The following AGBL4 variants were observed in gnomAD, a reference collection of about 807,000 sequenced individuals.
The protein encoded by AGBL4 is AGBL carboxypeptidase 4, also known as cytosolic carboxypeptidase 6.
AGBL4 carries 58 observed loss-of-function variants against 66.4 expected under a neutral mutation model. The observed-to-expected ratio is 0.87, with a 90% CI of 0.71 to 1.09. AGBL4 has a LOEUF of 1.09. Among genes scored for constraint, AGBL4 ranks in the 50% least tolerant of loss-of-function variants. AGBL4 has a pLI of 0.00. For synonymous variants in AGBL4, 234 were observed against 222.9 expected, an observed-to-expected ratio of 1.05 and a Z score of -0.44; for missense variants, 579 against 631.0, an observed-to-expected ratio of 0.92 and a Z score of 0.88.
At chr1:49,451,412 C>T (rs1766377) in intron 3 of AGBL4, among the ~76,000 whole-genome samples, 123,988 of 151,916 alleles carry the variant, frequency 0.82, 51,407 homozygotes, top group African/African-American at 0.95. Flanking sequence ...TGATTTATCA[C>T]CATATTCACA....
intron 5 of AGBL4, among the ~76,000 whole-genome samples, chr1:49,007,453 G>T (rs1337277562): frequency 2.7e-4 from 40 of 149,064 alleles, no homozygotes; most frequent in African/African-American, 7.2e-4. Context: ...AAAACACTCT[G>T]CAGGATATTA....
chr1:49,390,095 GA>G (rs903230359), intron 3 of AGBL4, among the ~76,000 whole-genome samples: 7 of 150,592 alleles, frequency 4.6e-5, no homozygotes, highest in African/African-American at 1.5e-4. Context: ...TTTGTGAGAA[GA>G]AAAAAAAATA....
At chr1:49,062,194 A>G (rs1310454569) in intron 4 of AGBL4, among the ~76,000 whole-genome samples, 1 of 152,172 alleles carries the variant, frequency 6.6e-6, no homozygotes, top group Admixed American at 6.5e-5. Context: ...TGTCTTCCAT[A>G]AAATGGGTTG....
chr1:48,542,330 G>A (rs1293499811), intron 11 of AGBL4, among the ~76,000 whole-genome samples: 1 of 152,170 alleles, frequency 6.6e-6, no homozygotes, highest in Non-Finnish European at 1.5e-5. Flanking sequence ...ATAGTAGAAT[G>A]ATTTATAATC....
chr1:48,735,804 C>A (rs570435242), intron 6 of AGBL4, among the ~76,000 whole-genome samples: 4 of 152,016 alleles, frequency 2.6e-5, no homozygotes, highest in African/African-American at 9.7e-5. Context: ...AGCAGCATTC[C>A]TTTCCCATCT....
At chr1:49,442,102 T>C (rs550203995) in intron 3 of AGBL4, among the ~76,000 whole-genome samples, 13 of 152,284 alleles carry the variant, frequency 8.5e-5, no homozygotes, top group East Asian at 5.8e-4. Flanking sequence ...TGTTGTCTTA[T>C]TTAAGTTTAA....
chr1:49,591,044 T>C (rs138698832), intron 3 of AGBL4, among the ~76,000 whole-genome samples: 4 of 152,198 alleles, frequency 2.6e-5, no homozygotes, highest in Admixed American at 2.6e-4. Context: ...TAAATGACTA[T>C]ATCTGAAACA....
intron 3 of AGBL4, among the ~76,000 whole-genome samples, chr1:49,454,051 G>GA (rs1376367334): frequency 1.3e-5 from 2 of 151,708 alleles, no homozygotes; most frequent in African/African-American, 4.8e-5. Flanking sequence ...AATAATTTGA[G>GA]AAAAAAACTA....
chr1:49,029,560 A>T (rs1317511558), intron 5 of AGBL4, among the ~76,000 whole-genome samples: 1 of 152,192 alleles, frequency 6.6e-6, no homozygotes, highest in Non-Finnish European at 1.5e-5. Context: ...AACATCCCAC[A>T]TTCATGCATC....
chr1:50,009,780 T>C (rs1012527577), intron 1 of AGBL4, among the ~76,000 whole-genome samples: 5 of 152,034 alleles, frequency 3.3e-5, no homozygotes, highest in Non-Finnish European at 7.4e-5. Context: ...ATCAAAAATC[T>C]ATTAGAACTG....
intron 8 of AGBL4, among the ~76,000 whole-genome samples, chr1:48,638,501 A>T (rs113063842): frequency 2.0e-5 from 3 of 152,376 alleles, no homozygotes; most frequent in African/African-American, 7.2e-5. Context: ...CATTGAACAA[A>T]CTATAGCCAG....
chr1:49,483,475 T>A (rs1042446518), intron 3 of AGBL4, among the ~76,000 whole-genome samples: 2 of 151,762 alleles, frequency 1.3e-5, no homozygotes, highest in African/African-American at 4.8e-5. Flanking sequence ...CATAAAAAAA[T>A]TCCTAAATTC....
intron 9 of AGBL4, among the ~76,000 whole-genome samples, chr1:48,613,637 T>C (rs948081984): frequency 6.6e-6 from 1 of 152,122 alleles, no homozygotes; most frequent in Non-Finnish European, 1.5e-5. Flanking sequence ...TTAAATGAGA[T>C]TGTGTTCCTG....
intron 3 of AGBL4, among the ~76,000 whole-genome samples, chr1:49,506,232 T>A (rs1648672689): frequency 6.6e-6 from 1 of 152,048 alleles, no homozygotes; most frequent in African/African-American, 2.4e-5. Flanking sequence ...GGTACTGATA[T>A]AACAAGAAAG....
chr1:49,382,075 G>A (rs894220322), intron 3 of AGBL4, among the ~76,000 whole-genome samples: 4 of 152,012 alleles, frequency 2.6e-5, no homozygotes, highest in Non-Finnish European at 4.4e-5. Flanking sequence ...ACAGTATTCA[G>A]GCTGATCCAC....
At chr1:49,428,776 G>C (rs989732284) in intron 3 of AGBL4, among the ~76,000 whole-genome samples, 1 of 152,234 alleles carries the variant, frequency 6.6e-6, no homozygotes, top group Non-Finnish European at 1.5e-5. Context: ...TGCATCCAAA[G>C]AGACTGAGGC....
At chr1:49,553,756 T>C (rs949145874) in intron 3 of AGBL4, among the ~76,000 whole-genome samples, 4 of 152,206 alleles carry the variant, frequency 2.6e-5, no homozygotes, top group Non-Finnish European at 5.9e-5. Context: ...AATTGTATTG[T>C]ATGTATAATT....
At chr1:49,011,208 A>C (rs1479350690) in intron 5 of AGBL4, among the ~76,000 whole-genome samples, 13 of 151,534 alleles carry the variant, frequency 8.6e-5, no homozygotes, top group South Asian at 4.2e-4. Context: ...ACCCCATCAA[A>C]AAGTGGGCAA....
At chr1:48,886,470 A>G (rs1459833377) in intron 5 of AGBL4, among the ~76,000 whole-genome samples, 1 of 152,160 alleles carries the variant, frequency 6.6e-6, no homozygotes, top group African/African-American at 2.4e-5. Context: ...GGGAATAACA[A>G]TGCTCTAAAA....
Sources: allele counts gnomAD v4.1 joint callset (sites outside exome capture counted in the v4.1 genomes callset), GRCh38; gene constraint gnomAD v4.1.1; transcripts MANE v1.5; gene names NCBI Gene and HGNC (gene_info 2026-07-23, HGNC 2026-07-21).